Variants in FANK1 observed in about 807,000 individuals in gnomAD.
FANK1 encodes fibronectin type 3 and ankyrin repeat domains protein 1.
FANK1 carries 44 observed loss-of-function variants against 45.3 expected under a neutral mutation model. The ratio of observed to expected loss-of-function variants is 0.97; its 90% CI spans 0.76 to 1.25. The LOEUF is 1.25. Ranked by LOEUF, FANK1 falls within the 50% of genes most tolerant of loss-of-function variation. FANK1 has a pLI of 0.00. For missense variants in FANK1, 391 were observed against 424.4 expected (o/e 0.92, Z 0.69); for synonymous variants, 149 against 152.5 (o/e 0.98, Z 0.17).
intron 1 of FANK1, among the ~76,000 whole-genome samples, chr10:125,959,151 C>T (rs1949760912): frequency 1.3e-5 from 2 of 152,218 alleles, no homozygotes; most frequent in South Asian, 4.1e-4. Flanking sequence ...AATCCCAGCA[C>T]TTTGGGAGGC....
At chr10:126,006,805 A>G (rs973739486) in intron 7 of FANK1, among the ~76,000 whole-genome samples, 12 of 152,366 alleles carry the variant, frequency 7.9e-5, no homozygotes, top group South Asian at 2.1e-4. Context: ...GGTTGCAGTG[A>G]GCCAAGATTG....
chr10:125,914,665 A>G (rs1395273600), intron 1 of FANK1, among the ~76,000 whole-genome samples: 2 of 152,222 alleles, frequency 1.3e-5, no homozygotes, highest in African/African-American at 2.4e-5. Context: ...GACACTTTTA[A>G]TATCAAATCT....
At position 125,945,398 on chromosome 10, in the gene FANK1, C is replaced by T. The variant is rs755043365; in HGVS notation, c.14-34763C>T. Among the ~76,000 whole-genome samples, 422 of 152,268 alleles carry T rather than the reference C, an allele frequency of 2.8e-3. 1 individual carries two copies. Among genetic ancestry groups the T allele is most frequent in the Admixed American group, 5.8e-3 (89 of 15,300 alleles). ...GGCGCAGGCCAGTGGGTGCGCGCAC[C>T]GTGCGCAAGCCGAAGCAGGGCGAGG... On this transcript the variant is annotated intron_variant, in intron 1 of 10. Transcript: ENST00000368693.
intron 1 of FANK1, among the ~76,000 whole-genome samples, chr10:125,959,565 T>C (rs1405063353): frequency 3.3e-5 from 5 of 152,184 alleles, no homozygotes; most frequent in Admixed American, 6.5e-5. Flanking sequence ...AATTAATCTT[T>C]CTGGATGAGT....
At chr10:125,994,446 C>T (rs2134217570) in intron 3 of FANK1, 1 of 985,144 alleles carries the variant, frequency 1.0e-6, no homozygotes, top group East Asian at 1.1e-4. Flanking sequence ...CAAACTCTTG[C>T]CGTTTGCGGA....
intron 7 of FANK1, 114 bp from the exon 8 acceptor site, chr10:126,008,293 A>G: frequency 2.2e-6 from 3 of 1,386,484 alleles, no homozygotes; most frequent in Non-Finnish European, 2.9e-6. Context: ...CCAAATATAG[A>G]AAGACGGCTA....
At chr10:125,943,044 C>A (rs908524754) in intron 1 of FANK1, among the ~76,000 whole-genome samples, 2 of 152,068 alleles carry the variant, frequency 1.3e-5, no homozygotes, top group Admixed American at 6.5e-5. Context: ...GAACTTCTGA[C>A]CTCGTGATCT....
At chr10:126,009,307 C>T in intron 10 of FANK1, 41 bp downstream of exon 10, 1 of 1,614,046 alleles carries the variant, frequency 6.2e-7, no homozygotes, top group South Asian at 1.1e-5. Flanking sequence ...AATTTTTAGT[C>T]CTTCTAGACT....
At chr10:125,974,872 G>A (rs1234864159) in intron 1 of FANK1, 5 of 151,884 alleles carry the variant, frequency 3.3e-5, no homozygotes, top group Admixed American at 1.3e-4. Context: ...TTTATTTTAG[G>A]TTTGGGGGTA....
chr10:125,941,699 A>G (rs1439451107), intron 1 of FANK1, among the ~76,000 whole-genome samples: 1 of 152,234 alleles, frequency 6.6e-6, no homozygotes, highest in East Asian at 1.9e-4. Flanking sequence ...GATGAAATAT[A>G]ACACAGCAAT....
At chr10:125,968,074 TTTC>T (rs1950284728) in intron 1 of FANK1, among the ~76,000 whole-genome samples, 2 of 151,948 alleles carry the variant, frequency 1.3e-5, no homozygotes, top group Admixed American at 6.5e-5. Flanking sequence ...GTTATTTTAA[TTTC>T]TTCTTTTTTT....
chr10:125,930,616 T>G (rs1947690073), intron 1 of FANK1, among the ~76,000 whole-genome samples: 1 of 152,008 alleles, frequency 6.6e-6, no homozygotes, highest in Non-Finnish European at 1.5e-5. Context: ...GGATTACAAG[T>G]AGGAGCCACC....
At chr10:125,989,374 T>G (rs1339866254) in intron 3 of FANK1, 16 of 1,550,630 alleles carry the variant, frequency 1.0e-5, no homozygotes, top group Non-Finnish European at 1.4e-5. Flanking sequence ...AATTTTTCAG[T>G]TGCACAAAGG....
intron 1 of FANK1, among the ~76,000 whole-genome samples, chr10:125,966,290 A>T (rs1950197984): frequency 6.6e-6 from 1 of 152,230 alleles, no homozygotes; most frequent in Admixed American, 6.5e-5. Context: ...AAATGTTTTC[A>T]TTAGATGATG....
At chr10:125,900,988 T>TA (rs1456020855) in intron 1 of FANK1, among the ~76,000 whole-genome samples, 1 of 152,096 alleles carries the variant, frequency 6.6e-6, no homozygotes, top group East Asian at 1.9e-4. Context: ...TTGTTGTTTT[T>TA]AGAGAGACAG....
At chr10:125,987,466 C>T (rs538820644) in intron 2 of FANK1, among the ~76,000 whole-genome samples, 2 of 151,280 alleles carry the variant, frequency 1.3e-5, no homozygotes, top group Admixed American at 1.3e-4. Context: ...GAGAATGGTC[C>T]AAGGGAGGAG....
At position 125,983,206 on chromosome 10, in the gene FANK1, C is replaced by A. The variant is rs941788039; in HGVS notation, c.191+2868C>A. On this transcript the variant is annotated intron_variant, in intron 2 of 10. Coordinates refer to ENST00000368693, the MANE Select transcript of FANK1 (RefSeq NM_145235.5). The surrounding 1 kb of genome is among the most constrained non-coding windows in gnomAD (Gnocchi z 4.3). ...GTTTGGACAGATTTTCCCCTCTCAC[C>A]CTATTCTTTCTTCTGCCCTGGTCAG... 6.6e-6 allele frequency among the ~76,000 whole-genome samples: 1 copy of A among 152,086 alleles called. No homozygotes were observed. Among genetic ancestry groups the A allele is most frequent in the Non-Finnish European group, 1.5e-5 (1 of 68,034 alleles).
chr10:126,000,679 A>G (rs1393329786), intron 6 of FANK1, among the ~76,000 whole-genome samples: 2 of 152,206 alleles, frequency 1.3e-5, no homozygotes, highest in Non-Finnish European at 2.9e-5. Context: ...AAATGCATTG[A>G]AAGGAATCAT....
intron 1 of FANK1, among the ~76,000 whole-genome samples, chr10:125,959,511 A>G (rs1048598753): frequency 1.3e-5 from 2 of 152,036 alleles, no homozygotes; most frequent in Non-Finnish European, 2.9e-5. Context: ...AATCTGCTTC[A>G]TCTAATCTAT....
Sources: gnomAD v4.1 joint callset for allele counts (sites outside exome capture counted in the v4.1 genomes callset) on GRCh38, gnomAD v4.1.1 for gene constraint, Gnocchi (gnomAD v3.1) non-coding constraint, MANE v1.5 for transcripts, NCBI Gene and HGNC (gene_info 2026-07-23, HGNC 2026-07-21) for gene names.